The following CHST8 variants were observed in gnomAD, a reference collection of about 807,000 sequenced individuals.
CHST8 encodes carbohydrate sulfotransferase 8.
Under a neutral mutation model 15.0 loss-of-function variants are expected in CHST8, and 10 were observed. The ratio of observed to expected loss-of-function variants is 0.67; its 90% CI spans 0.41 to 1.13. The LOEUF (loss-of-function observed/expected upper bound fraction) is 1.13. Ranked by LOEUF, CHST8 falls within the 50% of genes most tolerant of loss-of-function variation. The pLI is 0.00. For synonymous variants in CHST8, 259 were observed against 256.6 expected, an observed-to-expected ratio of 1.01 and a Z score of -0.09; for missense variants, 634 against 608.2, an observed-to-expected ratio of 1.04 and a Z score of -0.45.
intron 1 of CHST8, among the ~76,000 whole-genome samples, chr19:33,650,530 T>C (rs1408673728): frequency 6.8e-5 from 8 of 117,856 alleles, no homozygotes; most frequent in Non-Finnish European, 1.2e-4. Context: ...TTTTTTTTTT[T>C]TTTTTTTTTT....
At chr19:33,670,277 T>C (rs1248240295) in intron 2 of CHST8, among the ~76,000 whole-genome samples, 2 of 152,226 alleles carry the variant, frequency 1.3e-5, no homozygotes, top group Admixed American at 6.5e-5. Context: ...TGAATTCAAA[T>C]TGCACACTGG....
chr19:33,630,690 T>A (rs1018716278), intron 1 of CHST8, among the ~76,000 whole-genome samples: 2 of 151,402 alleles, frequency 1.3e-5, no homozygotes, highest in African/African-American at 2.4e-5. Context: ...CTGTCTACAC[T>A]GGTGGGGCCA....
At chr19:33,715,592 G>C (rs762380087) in intron 3 of CHST8, among the ~76,000 whole-genome samples, 141 of 152,298 alleles carry the variant, frequency 9.3e-4, no homozygotes, top group Middle Eastern at 3.4e-3. Flanking sequence ...TGTCTGCTCA[G>C]GCAGGAGGTG....
At chr19:33,729,447 C>T (rs1973956887) in intron 3 of CHST8, among the ~76,000 whole-genome samples, 1 of 152,210 alleles carries the variant, frequency 6.6e-6, no homozygotes, top group African/African-American at 2.4e-5. Context: ...GTAACTTAAC[C>T]TCAGAAGTGA....
Position 33,676,885 on chromosome 19 carries a change from G to GAA in CHST8, c.-87+9054_-87+9055dup, listed in dbSNP as rs563989466. Among the ~76,000 whole-genome samples, 817 of 127,416 alleles carry GAA rather than the reference G, an allele frequency of 6.4e-3. 7 individuals carry two copies. The highest frequency in any genetic ancestry group is 0.021 in the African/African-American group (762 of 36,034). The allele number at this position is 127,416 out of a possible 152,430, so 83.6% of individuals were successfully genotyped here. ...GAGCGAGACCCAGACTCTTAAAAAA[G>GAA]AAAAAAAAAAAAAGAAATCCAGGTT... On this transcript the variant is annotated intron_variant, in intron 2 of 4. Coordinates refer to ENST00000650847, the MANE Select transcript of CHST8 (RefSeq NM_001127895.2).
intron 3 of CHST8, among the ~76,000 whole-genome samples, chr19:33,728,131 T>G (rs77493247): frequency 0.048 from 7,354 of 152,334 alleles, 576 homozygotes; most frequent in African/African-American, 0.16. Context: ...ACATGTTAGT[T>G]TTTAAATCCC....
At chr19:33,723,789 C>A (rs1363104129) in intron 3 of CHST8, among the ~76,000 whole-genome samples, 1 of 152,206 alleles carries the variant, frequency 6.6e-6, no homozygotes, top group Non-Finnish European at 1.5e-5. Context: ...TCCCAGATAG[C>A]CTTTTGCCAA....
intron 1 of CHST8, among the ~76,000 whole-genome samples, chr19:33,636,301 G>T (rs1176454897): frequency 6.6e-6 from 1 of 152,140 alleles, no homozygotes; most frequent in Non-Finnish European, 1.5e-5. Flanking sequence ...ATGCATGCTT[G>T]ACAAGTATTC....
At chr19:33,725,649 T>TCCCTGGTCC (rs961564795) in intron 3 of CHST8, among the ~76,000 whole-genome samples, 14 of 152,182 alleles carry the variant, frequency 9.2e-5, no homozygotes, top group Admixed American at 9.2e-4. Flanking sequence ...CACTCTGGCC[T>TCCCTGGTCC]CCCTGGTCCT....
chr19:33,709,031 T>C (rs898615506), intron 3 of CHST8, among the ~76,000 whole-genome samples: 2 of 152,206 alleles, frequency 1.3e-5, no homozygotes, highest in African/African-American at 4.8e-5. Flanking sequence ...TTTGGGATCA[T>C]TCATTGCTAA....
At chr19:33,754,840 G>A (rs1460642106) in intron 3 of CHST8, among the ~76,000 whole-genome samples, 1 of 152,244 alleles carries the variant, frequency 6.6e-6, no homozygotes, top group Non-Finnish European at 1.5e-5. Context: ...CCTTGAAGTT[G>A]ATTGCAGATG....
At chr19:33,743,459 G>T (rs1013882909) in intron 3 of CHST8, among the ~76,000 whole-genome samples, 6 of 151,768 alleles carry the variant, frequency 4.0e-5, no homozygotes, top group Non-Finnish European at 7.4e-5. Flanking sequence ...CCACCACCTC[G>T]CCCGGCTAAT....
chr19:33,649,198 C>T (rs1217654549), intron 1 of CHST8, among the ~76,000 whole-genome samples: 1 of 152,072 alleles, frequency 6.6e-6, no homozygotes, highest in Non-Finnish European at 1.5e-5. Flanking sequence ...GCCACTGTGC[C>T]CGGCCTGTCT....
At chr19:33,750,529 G>A (rs12976557) in intron 3 of CHST8, among the ~76,000 whole-genome samples, 30 of 150,712 alleles carry the variant, frequency 2.0e-4, no homozygotes, top group African/African-American at 7.1e-4. Context: ...CCTAAGCCTC[G>A]GGATAAGCCA....
chr19:33,757,909 C>T (rs1974635895), intron 3 of CHST8, among the ~76,000 whole-genome samples: 1 of 152,126 alleles, frequency 6.6e-6, no homozygotes. Context: ...AGGCCAGAGC[C>T]TTCCAGAGCT....
At position 33,757,468 on chromosome 19, in the gene CHST8, A is replaced by G. The variant is rs1260288278; in HGVS notation, c.131-13945A>G. Among the ~76,000 whole-genome samples, 96 of 43,338 alleles carry G rather than the reference A, an allele frequency of 2.2e-3. 4 individuals are homozygous for G. Among genetic ancestry groups the G allele is most frequent in the Non-Finnish European group, 3.4e-3 (71 of 20,986 alleles). The allele number at this position is 43,338 out of a possible 152,430, so 28.4% of individuals were successfully genotyped here. ...AAAGAAAGAAAGAAAGAAAGAAAGA[A>G]AGAAAGAAAGAAAGAAAGAAAGAAA... On this transcript the variant is annotated intron_variant, in intron 3 of 4. Transcript: ENST00000650847.
chr19:33,692,616 C>G (rs1318703900), intron 3 of CHST8, among the ~76,000 whole-genome samples: 1 of 152,114 alleles, frequency 6.6e-6, no homozygotes, highest in Non-Finnish European at 1.5e-5. Flanking sequence ...GTGGGAGGAT[C>G]CTTTCAGCCC....
chr19:33,637,316 C>A (rs2312694), intron 1 of CHST8, among the ~76,000 whole-genome samples: 37,430 of 151,902 alleles, frequency 0.25, 4,787 homozygotes, highest in East Asian at 0.36. Flanking sequence ...TTACCCAGCC[C>A]CTATTCAAGA....
rs2145426504 is a variant in CHST8 at position 33,621,953 on chromosome 19, A to T, written c.-507A>T. 1.3e-5 allele frequency: 2 copies of T among 151,816 alleles called. No homozygotes were observed. The highest frequency in any genetic ancestry group is 3.9e-4 in the East Asian group (2 of 5,076). 9.4% of individuals were successfully genotyped at this position (151,816 alleles called of 1,614,324 possible). ...CAGCCTCGCCGGAGGCTTCGCTCTC[A>T]CTTCGCTGGGAGCCTTCCCGGCGCG... On this transcript the variant is annotated 5_prime_UTR_variant, in exon 1 of 5. Transcript: ENST00000650847.
Sources: gnomAD v4.1 joint callset for allele counts (sites outside exome capture counted in the v4.1 genomes callset) on GRCh38, gnomAD v4.1.1 for gene constraint, MANE v1.5 for transcripts, NCBI Gene and HGNC (gene_info 2026-07-23, HGNC 2026-07-21) for gene names.